Variants in ZDHHC14 observed in about 807,000 individuals in gnomAD.
ZDHHC14 encodes the protein zDHHC palmitoyltransferase 14.
Under a neutral mutation model 47.7 loss-of-function variants are expected in ZDHHC14, and 16 were observed. The observed-to-expected ratio is 0.34, with a 90% CI of 0.23 to 0.51. The LOEUF (loss-of-function observed/expected upper bound fraction) is 0.51. Among genes scored for constraint, ZDHHC14 ranks in the 20% least tolerant of loss-of-function variants. ZDHHC14 has a pLI of 0.97. For synonymous variants in ZDHHC14, 293 were observed against 278.9 expected, an observed-to-expected ratio of 1.05 and a Z score of -0.50; for missense variants, 515 against 662.5, an observed-to-expected ratio of 0.78 and a Z score of 2.44.
chr6:157,436,892 G>A (rs552579118), intron 1 of ZDHHC14, among the ~76,000 whole-genome samples: 2 of 152,110 alleles, frequency 1.3e-5, no homozygotes, highest in Admixed American at 6.5e-5. Context: ...GATCATCTAC[G>A]CAGAGCTGTC....
chr6:157,482,792 G>T (rs146427281), intron 1 of ZDHHC14, among the ~76,000 whole-genome samples: 5,266 of 151,104 alleles, frequency 0.035, 147 homozygotes, highest in Non-Finnish European at 0.055. Context: ...ACCCAGGCTG[G>T]AGTACAATGG....
chr6:157,494,953 C>T (rs1460205943), intron 1 of ZDHHC14, among the ~76,000 whole-genome samples: 5 of 152,214 alleles, frequency 3.3e-5, no homozygotes, highest in Admixed American at 6.5e-5. Flanking sequence ...GTTTTCCTCT[C>T]CCATGGTTCC....
intron 1 of ZDHHC14, among the ~76,000 whole-genome samples, chr6:157,405,260 T>A (rs1443087756): frequency 6.6e-6 from 1 of 151,916 alleles, no homozygotes; most frequent in East Asian, 1.9e-4. Flanking sequence ...TGAGATGGAG[T>A]CTCGCTGTCT....
chr6:157,616,491 A>G (rs376006120), intron 3 of ZDHHC14, among the ~76,000 whole-genome samples: 25 of 152,276 alleles, frequency 1.6e-4, no homozygotes, highest in African/African-American at 5.8e-4. Context: ...TGCCAGGCCC[A>G]AGGCTGGAGC....
chr6:157,464,270 T>C (rs1779158672), intron 1 of ZDHHC14, among the ~76,000 whole-genome samples: 1 of 152,250 alleles, frequency 6.6e-6, no homozygotes, highest in South Asian at 2.1e-4. Flanking sequence ...TTTGCATGTA[T>C]ATTTTAATAC....
chr6:157,552,806 C>T (rs1458627085), intron 2 of ZDHHC14, among the ~76,000 whole-genome samples: 1 of 152,150 alleles, frequency 6.6e-6, no homozygotes, highest in Non-Finnish European at 1.5e-5. Context: ...CTACACCCTG[C>T]CTTATAATAC....
chr6:157,417,258 G>A (rs1301743603), intron 1 of ZDHHC14, among the ~76,000 whole-genome samples: 1 of 152,096 alleles, frequency 6.6e-6, no homozygotes, highest in Non-Finnish European at 1.5e-5. Context: ...GGCATGTGAT[G>A]TCCTTATGCA....
chr6:157,401,449 C>T (rs12206061), intron 1 of ZDHHC14, among the ~76,000 whole-genome samples: 1,771 of 152,194 alleles, frequency 0.012, 15 homozygotes, highest in Non-Finnish European at 0.016. Context: ...AAACTGAGGC[C>T]CACGAGGCTG....
chr6:157,585,377 A>G (rs974989780), intron 2 of ZDHHC14, among the ~76,000 whole-genome samples: 3 of 151,302 alleles, frequency 2.0e-5, no homozygotes, highest in Non-Finnish European at 4.4e-5. Context: ...AGGCAGAGGC[A>G]CAACTGTTAC....
chr6:157,499,485 C>CCCCG (rs1780145385), intron 1 of ZDHHC14, among the ~76,000 whole-genome samples: 2 of 151,630 alleles, frequency 1.3e-5, no homozygotes, highest in Non-Finnish European at 2.9e-5. Context: ...CAAAGCCCCC[C>CCCCG]ACCCCGATAT....
chr6:157,633,339 T>TAATA (rs959511561), intron 5 of ZDHHC14, among the ~76,000 whole-genome samples: 3 of 152,208 alleles, frequency 2.0e-5, no homozygotes, highest in African/African-American at 7.2e-5. Context: ...ATTACTGTAT[T>TAATA]ATTTCCAGGA....
chr6:157,382,182 G>A lies in ZDHHC14; in HGVS notation c.161G>A (p.Arg54Lys), dbSNP rs753771365. 3 of 1,613,934 alleles carry A rather than the reference G, an allele frequency of 1.9e-6. No individual in the cohort carries two copies. Among genetic ancestry groups the A allele is most frequent in the Non-Finnish European group, 2.5e-6 (3 of 1,179,946 alleles). Residue 54 changes from arginine to lysine, a missense_variant, in exon 1 of 9, where the codon AGG becomes AAG. Physicochemically the swap from Arg to Lys is conservative, Grantham distance 26. Around this residue, in one of 4 missense-constraint regions of ZDHHC14, gnomAD observed 6 missense variants for 19.7 expected, o/e 0.31. Transcript: ENST00000359775. ...PGRNKFFCNG[R>K]IMMARQTGVF... ...AGAAACAAGTTCTTCTGTAACGGGA[G>A]GATCATGATGGCCCGGCAGACGGGC... is the stretch of plus-strand genomic sequence containing the variant.
At chr6:157,542,807 G>T (rs529551551) in intron 2 of ZDHHC14, 62 bp downstream of exon 2, 1 of 1,571,500 alleles carries the variant, frequency 6.4e-7, no homozygotes, top group Admixed American at 1.8e-5. Context: ...GCTACAGTGG[G>T]GACGGCAGGC....
At chr6:157,566,778 A>G (rs1159180560) in intron 2 of ZDHHC14, among the ~76,000 whole-genome samples, 1 of 151,796 alleles carries the variant, frequency 6.6e-6, no homozygotes, top group East Asian at 1.9e-4. Context: ...TCTTACCCAC[A>G]TTGTGTGTGT....
At chr6:157,422,822 A>G (rs1266117148) in intron 1 of ZDHHC14, among the ~76,000 whole-genome samples, 1 of 152,008 alleles carries the variant, frequency 6.6e-6, no homozygotes, top group African/African-American at 2.4e-5. Context: ...TTTATTCTGT[A>G]TTTTATATAC....
intron 1 of ZDHHC14, among the ~76,000 whole-genome samples, chr6:157,387,556 C>T (rs140279641): frequency 1.3e-5 from 2 of 152,138 alleles, no homozygotes; most frequent in African/African-American, 4.8e-5. Context: ...AATACGTGAC[C>T]CTCAGGACCT....
intron 1 of ZDHHC14, among the ~76,000 whole-genome samples, chr6:157,428,983 T>C (rs543444108): frequency 6.6e-6 from 1 of 152,264 alleles, no homozygotes; most frequent in Non-Finnish European, 1.5e-5. Flanking sequence ...CTTCAAGGGA[T>C]GATGAGCTTG....
At chr6:157,568,008 GAAGT>G (rs952068976) in intron 2 of ZDHHC14, among the ~76,000 whole-genome samples, 2 of 152,154 alleles carry the variant, frequency 1.3e-5, no homozygotes, top group African/African-American at 4.8e-5. Context: ...GCTTCAGAGT[GAAGT>G]AAGAATCTGA....
chr6:157,532,966 A>T (rs1323609579), intron 1 of ZDHHC14, among the ~76,000 whole-genome samples: 5 of 152,230 alleles, frequency 3.3e-5, no homozygotes, highest in Admixed American at 6.5e-5. Context: ...TCTCTACTAC[A>T]AAAATAAGCC....
Sources: gnomAD v4.1 joint callset for allele counts (sites outside exome capture counted in the v4.1 genomes callset) on GRCh38, gnomAD v4.1.1 for gene constraint, gnomAD v4.1.1 regional missense constraint, MANE v1.5 for transcripts, NCBI Gene and HGNC (gene_info 2026-07-23, HGNC 2026-07-21) for gene names.